Variants in DIXDC1 observed in about 807,000 individuals in gnomAD.
DIXDC1 encodes dixin.
A neutral mutation model predicts 103.1 loss-of-function variants in DIXDC1; 64 were observed. The ratio of observed to expected loss-of-function variants is 0.62; its 90% CI spans 0.51 to 0.76. The LOEUF (loss-of-function observed/expected upper bound fraction) is 0.76. Among genes scored for constraint, DIXDC1 ranks in the 30% least tolerant of loss-of-function variants. The pLI is 0.00. For synonymous variants in DIXDC1, 266 were observed against 298.5 expected, an observed-to-expected ratio of 0.89 and a Z score of 1.12; for missense variants, 759 against 834.2, an observed-to-expected ratio of 0.91 and a Z score of 1.11.
At chr11:111,973,902 C>A (rs1214657767) in intron 3 of DIXDC1, 121 bp from the exon 4 acceptor site, 2 of 859,544 alleles carry the variant, frequency 2.3e-6, no homozygotes, top group Non-Finnish European at 3.6e-6. Flanking sequence ...AGGACTGAGA[C>A]CCTGACTGCC....
rs587760421 is a variant in DIXDC1 at position 111,938,991 on chromosome 11, C to A, written c.60+1432C>A. On this transcript the variant is annotated intron_variant, in intron 1 of 19. Coordinates refer to ENST00000440460, the MANE Select transcript of DIXDC1 (RefSeq NM_001037954.4). Reference sequence around the variant, plus strand: ...CACAGAAGAGCCGGGAAGCCTACCTCTGAGTGATTCCAATATTCTGGTTCC... The same window carrying A: ...CACAGAAGAGCCGGGAAGCCTACCTATGAGTGATTCCAATATTCTGGTTCC... Among the ~76,000 whole-genome samples the A allele has an allele frequency of 1.5e-4, 23 of 152,364 alleles. No homozygotes were observed. In the South Asian group the frequency reaches 4.8e-3, roughly 32 times the overall value.
intron 17 of DIXDC1, among the ~76,000 whole-genome samples, chr11:112,011,816 G>C (rs191309998): frequency 1.3e-5 from 2 of 151,898 alleles, no homozygotes; most frequent in African/African-American, 2.4e-5. Flanking sequence ...AGGGGGGGAC[G>C]GGGGGAGGGA....
intron 17 of DIXDC1, among the ~76,000 whole-genome samples, chr11:111,997,365 C>T (rs1592612872): frequency 6.6e-6 from 1 of 151,204 alleles, no homozygotes; most frequent in East Asian, 1.9e-4. Flanking sequence ...GATGGAGTTT[C>T]ACTCTTGTTG....
rs1555175604 is a variant in DIXDC1 at position 111,998,348 on chromosome 11, T to A, written c.1756+2202T>A. Among the ~76,000 whole-genome samples, 1 of 152,188 alleles carries A rather than the reference T, an allele frequency of 6.6e-6. No homozygotes were observed. The highest frequency in any genetic ancestry group is 1.5e-5 in the Non-Finnish European group (1 of 68,032). On this transcript the variant is annotated intron_variant, in intron 17 of 19. Transcript: ENST00000440460. The surrounding 1 kb of genome is among the most constrained non-coding windows in gnomAD (Gnocchi z 4.1). ...TAGTCCCTCTTGAATCTCCTTTTAT[T>A]CTGCTCTAATTCTTGAATGTTGATG...
intron 1 of DIXDC1, among the ~76,000 whole-genome samples, chr11:111,940,664 A>G (rs947097064): frequency 6.6e-6 from 1 of 152,216 alleles, no homozygotes; most frequent in Non-Finnish European, 1.5e-5. Flanking sequence ...TTCATAAATC[A>G]GTAGTTTATT....
chr11:111,994,968 C>A (rs1303515378), intron 14 of DIXDC1, 51 bp from the exon 15 acceptor site: 4 of 1,528,866 alleles, frequency 2.6e-6, no homozygotes, highest in Non-Finnish European at 3.6e-6. Context: ...GATAGCACAT[C>A]TGGTTTACAA....
Position 112,019,085 on chromosome 11 carries a change from G to A in DIXDC1, c.*49G>A, listed in dbSNP as rs1445804289. On this transcript the variant is annotated 3_prime_UTR_variant, in exon 20 of 20. Coordinates refer to ENST00000440460, the MANE Select transcript of DIXDC1 (RefSeq NM_001037954.4). ...TATGGAACCTGGTCACTCCCTGGCT[G>A]CTTCACTCAGGAAAGGGAACTAAAA... 7 of 1,514,038 alleles carry A rather than the reference G, an allele frequency of 4.6e-6. No individual in the cohort carries two copies. The highest frequency in any genetic ancestry group is 6.4e-6 in the Non-Finnish European group (7 of 1,098,558). The allele number at this position is 1,514,038 out of a possible 1,614,324, so 93.8% of individuals were successfully genotyped here.
At chr11:111,971,732 A>G (rs1245862678) in intron 3 of DIXDC1, among the ~76,000 whole-genome samples, 4 of 150,910 alleles carry the variant, frequency 2.7e-5, no homozygotes, top group African/African-American at 9.9e-5. Context: ...GTGTATATCT[A>G]TATCTATATC....
At chr11:111,995,590 C>G in intron 16 of DIXDC1, 26 bp downstream of exon 16, 1 of 1,610,308 alleles carries the variant, frequency 6.2e-7, no homozygotes, top group Non-Finnish European at 8.5e-7. Flanking sequence ...TGGTATCTCT[C>G]TTAGGCAAGC....
rs193127210 is a variant in DIXDC1 at position 112,013,032 on chromosome 11, G to A, written c.1757-3659G>A. 3.1e-3 allele frequency among the ~76,000 whole-genome samples: 471 copies of A among 152,230 alleles called. 4 individuals carry two copies. The highest frequency in any genetic ancestry group is 0.01 in the African/African-American group (422 of 41,520). The stretch of plus-strand genomic sequence containing the variant: ...AATACCTTCAACTCTCTTAAACGAC[G>A]TAAATTAATTTTCTCACAGTTCTGG... On this transcript the variant is annotated intron_variant, in intron 17 of 19. Coordinates refer to ENST00000440460, the MANE Select transcript of DIXDC1 (RefSeq NM_001037954.4).
chr11:111,952,161 C>T (rs1300048006), intron 1 of DIXDC1, among the ~76,000 whole-genome samples: 6 of 152,014 alleles, frequency 3.9e-5, no homozygotes, highest in Admixed American at 2.0e-4. Context: ...CCACCATGCC[C>T]GTCTTAAAAT....
At chr11:111,986,097 C>A (rs1860480211) in intron 8 of DIXDC1, among the ~76,000 whole-genome samples, 1 of 152,210 alleles carries the variant, frequency 6.6e-6, no homozygotes, top group Non-Finnish European at 1.5e-5. Flanking sequence ...AGCCTCCATC[C>A]AGTATTCTAA....
intron 3 of DIXDC1, among the ~76,000 whole-genome samples, chr11:111,972,708 C>G (rs891873451): frequency 2.6e-5 from 4 of 152,196 alleles, no homozygotes; most frequent in Non-Finnish European, 5.9e-5. Flanking sequence ...AGTGCTGTGT[C>G]ACAGAAATAG....
chr11:111,985,069 C>G (rs1170088918), intron 7 of DIXDC1, among the ~76,000 whole-genome samples, 163 bp from the exon 8 acceptor site: 1 of 152,126 alleles, frequency 6.6e-6, no homozygotes, highest in Non-Finnish European at 1.5e-5. Flanking sequence ...GGAACTAGTC[C>G]CAGGGTGAGC....
At chr11:111,936,834 C>T (rs921504371), upstream of DIXDC1, among the ~76,000 whole-genome samples, 4 of 149,474 alleles carry the variant, frequency 2.7e-5, no homozygotes, top group Non-Finnish European at 4.4e-5. Flanking sequence ...CGTTTGTGGC[C>T]TTAAGTTAGC....
intron 3 of DIXDC1, among the ~76,000 whole-genome samples, chr11:111,971,916 C>T (rs1859949280): frequency 6.6e-6 from 1 of 152,068 alleles, no homozygotes; most frequent in Admixed American, 6.6e-5. Context: ...GAACTAAACA[C>T]TGGGTGCACA....
chr11:112,015,403 G>GT (rs1235340128), intron 17 of DIXDC1: 1 of 152,186 alleles, frequency 6.6e-6, no homozygotes, highest in East Asian at 1.9e-4. Context: ...AGATATTTTA[G>GT]TAACAGTTTA....
At chr11:111,971,003 A>G (rs1859904643) in intron 3 of DIXDC1, among the ~76,000 whole-genome samples, 1 of 152,232 alleles carries the variant, frequency 6.6e-6, no homozygotes, top group African/African-American at 2.4e-5. Context: ...TAAATATAAG[A>G]CCTTGAACTA....
intron 2 of DIXDC1, among the ~76,000 whole-genome samples, chr11:111,965,988 A>G (rs1555171470): frequency 6.6e-6 from 1 of 152,142 alleles, no homozygotes. Flanking sequence ...GGAAATCCAG[A>G]TGTACAAAAG....
Sources: gnomAD v4.1 joint callset for allele counts (sites outside exome capture counted in the v4.1 genomes callset) on GRCh38, gnomAD v4.1.1 for gene constraint, Gnocchi (gnomAD v3.1) non-coding constraint, MANE v1.5 for transcripts, NCBI Gene and HGNC (gene_info 2026-07-23, HGNC 2026-07-21) for gene names.